STPG2: variants seen among roughly 807,000 people sequenced by gnomAD.
The protein encoded by STPG2 is sperm tail PG-rich repeat containing 2, also known as sperm-tail PG-rich repeat-containing protein 2.
Under a neutral mutation model 54.2 loss-of-function variants are expected in STPG2, and 56 were observed. That is an observed-to-expected ratio of 1.03 (90% confidence interval 0.83 to 1.29). The LOEUF (loss-of-function observed/expected upper bound fraction) is 1.29. Among genes scored for constraint, STPG2 ranks in the 50% most tolerant of loss-of-function variants. The probability of loss-of-function intolerance (pLI) is 0.00; values close to 1 mark genes in which losing one functional copy is unlikely to be tolerated. For missense variants in STPG2, 596 were observed against 544.9 expected, an observed-to-expected ratio of 1.09 and a Z score of -0.93; for synonymous variants, 200 against 181.8, an observed-to-expected ratio of 1.10 and a Z score of -0.81.
chr4:97,716,991 T>C (rs1290073730), intron 9 of STPG2, among the ~76,000 whole-genome samples: 1 of 152,170 alleles, frequency 6.6e-6, no homozygotes, highest in Non-Finnish European at 1.5e-5. Context: ...CTCATACTGA[T>C]TTTATTCTTC....
chr4:98,120,296 G>C (rs1002965409), intron 3 of STPG2, among the ~76,000 whole-genome samples: 13 of 152,078 alleles, frequency 8.5e-5, no homozygotes, highest in Non-Finnish European at 2.9e-5. Flanking sequence ...GATCAGGCTG[G>C]TCTTGAACTC....
intron 4 of STPG2, among the ~76,000 whole-genome samples, chr4:97,552,210 T>C (rs1039879021): frequency 2.0e-5 from 3 of 152,124 alleles, no homozygotes; most frequent in Admixed American, 6.5e-5. Context: ...GGGCAAACTA[T>C]TTCACCTCCT....
chr4:98,056,997 T>G (rs1362503386), intron 5 of STPG2, among the ~76,000 whole-genome samples: 1 of 152,188 alleles, frequency 6.6e-6, no homozygotes, highest in Non-Finnish European at 1.5e-5. Flanking sequence ...CTTTTCTTCA[T>G]AAATTAACCA....
intron 5 of STPG2, among the ~76,000 whole-genome samples, chr4:98,096,973 A>T (rs1473840856): frequency 6.6e-6 from 1 of 152,152 alleles, no homozygotes. Context: ...GATCAAAGCC[A>T]TAATAAAAAG....
chr4:97,456,045 C>G (rs913332499), intron 4 of STPG2, among the ~76,000 whole-genome samples: 1 of 152,166 alleles, frequency 6.6e-6, no homozygotes, highest in African/African-American at 2.4e-5. Context: ...CTGAATTTCA[C>G]TAAAATTAAA....
intron 10 of STPG2, among the ~76,000 whole-genome samples, chr4:97,634,898 C>A (rs1429472661): frequency 6.6e-6 from 1 of 151,958 alleles, no homozygotes; most frequent in African/African-American, 2.4e-5. Context: ...AGAATGGAAC[C>A]AAGTTGGAAA....
intron 9 of STPG2, among the ~76,000 whole-genome samples, chr4:97,760,846 A>G (rs1013457483): frequency 2.6e-5 from 4 of 152,152 alleles, no homozygotes; most frequent in African/African-American, 9.7e-5. Context: ...AATATGGATG[A>G]CTGCAAGGCT....
chr4:97,570,184 C>T lies in STPG2; in HGVS notation c.1321-11067G>A, dbSNP rs149163105. Among the ~76,000 whole-genome samples, 69 of 152,202 alleles carry T rather than the reference C, an allele frequency of 4.5e-4. 1 individual carries two copies. The highest frequency in any genetic ancestry group is 6.8e-3 in the Middle Eastern group (2 of 294). Reference sequence around the variant, plus strand: ...TTGAATATTGTATTTCCCAAAAATGCTTCAGATAACATTATTGTGATAATG... The same window carrying T: ...TTGAATATTGTATTTCCCAAAAATGTTTCAGATAACATTATTGTGATAATG... On this transcript the variant is annotated intron_variant, in intron 10 of 10. Coordinates refer to ENST00000295268, the MANE Select transcript of STPG2 (RefSeq NM_174952.3).
chr4:97,740,800 T>C (rs1469613049), intron 9 of STPG2, among the ~76,000 whole-genome samples: 3 of 152,192 alleles, frequency 2.0e-5, no homozygotes, highest in African/African-American at 4.8e-5. Context: ...AGGTAATTTA[T>C]ACATTCAATG....
Position 97,840,856 on chromosome 4 carries a change from G to A in STPG2, c.1121C>T (p.Pro374Leu), listed in dbSNP as rs759189218. Residue 374 changes from proline to leucine, a missense_variant, in exon 9 of 11, where the codon CCT (proline) becomes CTT (leucine). Transcript: ENST00000295268. ...MSQVKHKYMP[P>L]RSLVAKRKHA... ...TTTTCTTTTAGCCACTAAACTACGA[G>A]GTGGCATATATTTATGCTTAACTTG... 4 of 1,611,884 alleles carry A rather than the reference G, an allele frequency of 2.5e-6. No homozygotes were observed. In the East Asian group the frequency reaches 6.7e-5, roughly 27 times the overall value.
intron 5 of STPG2, among the ~76,000 whole-genome samples, chr4:98,024,659 A>T (rs1736355736): frequency 6.6e-6 from 1 of 152,218 alleles, no homozygotes; most frequent in Non-Finnish European, 1.5e-5. Context: ...GATATTTGAC[A>T]TATTTGTAAA....
chr4:97,635,748 C>A (rs923548147), intron 10 of STPG2, among the ~76,000 whole-genome samples: 1 of 151,958 alleles, frequency 6.6e-6, no homozygotes, highest in African/African-American at 2.4e-5. Context: ...CAAAGAAGGC[C>A]ATTACATAAT....
chr4:97,895,190 T>C (rs866542187), intron 8 of STPG2, among the ~76,000 whole-genome samples: 19 of 151,308 alleles, frequency 1.3e-4, no homozygotes, highest in Middle Eastern at 3.4e-3. Context: ...AAATCTACCA[T>C]TGTGCCAGAA....
At chr4:97,901,716 GAATT>G (rs1731183591) in intron 8 of STPG2, among the ~76,000 whole-genome samples, 1 of 151,758 alleles carries the variant, frequency 6.6e-6, no homozygotes, top group South Asian at 2.1e-4. Context: ...TGAATGTAAA[GAATT>G]AATACTGTCA....
At chr4:97,779,261 T>C (rs745329615) in intron 9 of STPG2, among the ~76,000 whole-genome samples, 1 of 152,158 alleles carries the variant, frequency 6.6e-6, no homozygotes. Context: ...CTGAAAGCCA[T>C]GGCATGAGAA....
chr4:97,442,578 G>C (rs566765941), intron 4 of STPG2, among the ~76,000 whole-genome samples: 2 of 152,136 alleles, frequency 1.3e-5, no homozygotes, highest in Admixed American at 1.3e-4. Context: ...AGATAGAATT[G>C]GGTCTTTGTG....
intron 4 of STPG2, among the ~76,000 whole-genome samples, chr4:97,524,030 G>T (rs1731232795): frequency 6.6e-6 from 1 of 151,858 alleles, no homozygotes; most frequent in African/African-American, 2.4e-5. Flanking sequence ...AGAGACTTTT[G>T]CTGATCAGGC....
intron 4 of STPG2, among the ~76,000 whole-genome samples, chr4:97,512,178 T>C (rs777802135): frequency 2.0e-5 from 3 of 152,034 alleles, no homozygotes; most frequent in Non-Finnish European, 2.9e-5. Flanking sequence ...AGTGAGCCCA[T>C]ATAACAGGCC....
chr4:97,988,592 T>C (rs937389979), intron 5 of STPG2, among the ~76,000 whole-genome samples: 6 of 152,158 alleles, frequency 3.9e-5, no homozygotes, highest in African/African-American at 1.4e-4. Flanking sequence ...AATAAGTGCA[T>C]TAGCCATTTC....
Sources: allele counts gnomAD v4.1 joint callset (sites outside exome capture counted in the v4.1 genomes callset), GRCh38; gene constraint gnomAD v4.1.1; transcripts MANE v1.5; gene names NCBI Gene and HGNC (gene_info 2026-07-23, HGNC 2026-07-21).